Variants in RNF14 observed in about 807,000 individuals in gnomAD.
RNF14 encodes the protein ring finger protein 14, also known as E3 ubiquitin-protein ligase RNF14.
In RNF14, 26 loss-of-function variants were observed where a neutral mutation model predicts 52.6. That is an observed-to-expected ratio of 0.49 (90% confidence interval 0.36 to 0.69). RNF14 has a LOEUF of 0.69. Ranked by LOEUF, RNF14 falls within the 30% of genes least tolerant of loss-of-function variation. The pLI is 0.00. For synonymous variants in RNF14, 194 were observed against 202.0 expected (o/e 0.96, Z 0.34); for missense variants, 404 against 560.4 (o/e 0.72, Z 2.82).
chr5:141,972,640 G>T (rs942496574), intron 2 of RNF14, among the ~76,000 whole-genome samples: 6 of 152,052 alleles, frequency 3.9e-5, no homozygotes, highest in Non-Finnish European at 7.4e-5. Flanking sequence ...GCCCAGGCTG[G>T]AGTGCAATGG....
At chr5:141,955,620 C>T (rs764159953), upstream of RNF14, 1 of 1,612,916 alleles carries the variant, frequency 6.2e-7, no homozygotes, top group Non-Finnish European at 8.5e-7. This position sits in a 1 kb window ranked among gnomAD's most constrained non-coding sequence, Gnocchi z 5.5. Context: ...TGTTGTCCTT[C>T]TTTTCTGTCC....
At chr5:141,950,847 C>G in the RNF14 span, among the ~76,000 whole-genome samples, 1 of 152,156 alleles carries the variant, frequency 6.6e-6, no homozygotes, top group African/African-American at 2.4e-5. Context: ...GTGTCAGTTG[C>G]TGGGCTATGG....
upstream of RNF14, chr5:141,956,210 T>G (rs1393172557): frequency 1.2e-6 from 2 of 1,614,066 alleles, no homozygotes; most frequent in African/African-American, 2.7e-5. Flanking sequence ...ACAGAGACAC[T>G]GGATGCAAGC....
At chr5:141,977,561 A>G (rs757342354) in intron 4 of RNF14, among the ~76,000 whole-genome samples, 13 of 152,248 alleles carry the variant, frequency 8.5e-5, no homozygotes, top group Non-Finnish European at 1.8e-4. Context: ...ACTTTTAAAG[A>G]GGAAAATTCC....
intron 1 of RNF14, among the ~76,000 whole-genome samples, chr5:141,960,751 A>G (rs1262593940): frequency 6.6e-6 from 1 of 152,234 alleles, no homozygotes; most frequent in East Asian, 1.9e-4. Context: ...GCGTTAGGTA[A>G]CTTGCCCAAG....
At chr5:141,972,422 T>G (rs773427475) in intron 2 of RNF14, among the ~76,000 whole-genome samples, 1 of 151,628 alleles carries the variant, frequency 6.6e-6, no homozygotes, top group Non-Finnish European at 1.5e-5. Context: ...ACAGCTCTTG[T>G]GGGTGGAAGC....
chr5:141,961,108 A>G (rs948494541), intron 1 of RNF14, among the ~76,000 whole-genome samples: 2 of 152,216 alleles, frequency 1.3e-5, no homozygotes, highest in African/African-American at 4.8e-5. Context: ...AGAAGGAGTT[A>G]TGGAATTCAT....
intron 7 of RNF14, among the ~76,000 whole-genome samples, chr5:141,983,971 T>G (rs1046818945): frequency 1.3e-5 from 2 of 152,198 alleles, no homozygotes; most frequent in Non-Finnish European, 2.9e-5. Flanking sequence ...ATATATTGCT[T>G]CTTGACAAAA....
upstream of RNF14, chr5:141,955,490 G>A: frequency 1.2e-6 from 2 of 1,614,078 alleles, no homozygotes; most frequent in Non-Finnish European, 1.7e-6. This position sits in a 1 kb window ranked among gnomAD's most constrained non-coding sequence, Gnocchi z 5.5. Flanking sequence ...ACTTCACAAG[G>A]CTCACCTGCC....
chr5:141,951,762 G>A, the RNF14 span, among the ~76,000 whole-genome samples: 32 of 152,138 alleles, frequency 2.1e-4, no homozygotes, highest in Admixed American at 1.6e-3. Context: ...GGACCTGGGC[G>A]GGCAGGTCCC....
upstream of RNF14, chr5:141,956,501 T>C (rs779400642): frequency 4.2e-5 from 67 of 1,614,134 alleles, no homozygotes; most frequent in South Asian, 1.8e-4. Flanking sequence ...TTGATGTCAC[T>C]GATCTGAATG....
At position 141,980,408 on chromosome 5, in the gene RNF14, T is replaced by C; in HGVS notation, c.1063+57T>C. Reference sequence around the variant, plus strand: ...CCCCAGTCTCTCCCTCACATTTCACTCTACTACCAGGGCCTTATGACTTCA... The same window carrying C: ...CCCCAGTCTCTCCCTCACATTTCACCCTACTACCAGGGCCTTATGACTTCA... On this transcript the variant is annotated intron_variant, in intron 6 of 8. Transcript: ENST00000394520. 6.9e-6 allele frequency: 9 copies of C among 1,296,512 alleles called. 1 individual carries two copies. In the South Asian group the frequency reaches 1.1e-4, roughly 16 times the overall value. The allele number at this position is 1,296,512 out of a possible 1,614,324, so 80.3% of individuals were successfully genotyped here.
upstream of RNF14, chr5:141,955,569 C>A: frequency 6.2e-7 from 1 of 1,614,202 alleles, no homozygotes; most frequent in Non-Finnish European, 8.5e-7. The surrounding 1 kb of genome is among the most constrained non-coding windows in gnomAD (Gnocchi z 5.5). Context: ...TCTTGGGCTG[C>A]TGGCGGTAGG....
At chr5:141,957,059 T>G, upstream of RNF14, 1 of 1,614,172 alleles carries the variant, frequency 6.2e-7, no homozygotes. This position sits in a 1 kb window ranked among gnomAD's most constrained non-coding sequence, Gnocchi z 4.3. Flanking sequence ...GCGGTCAGTT[T>G]TATGAGAAGC....
intron 4 of RNF14, among the ~76,000 whole-genome samples, chr5:141,977,159 G>A (rs1398537637): frequency 6.6e-6 from 1 of 152,132 alleles, no homozygotes. Flanking sequence ...CATAGGACTT[G>A]GTAGCTCACA....
At chr5:141,966,639 A>T (rs1044013304), upstream of RNF14, among the ~76,000 whole-genome samples, 21 of 152,214 alleles carry the variant, frequency 1.4e-4, no homozygotes, top group Admixed American at 7.9e-4. Context: ...AGAGTCAAAA[A>T]CAAAACTTAT....
chr5:141,973,516 G>T (rs1293097908), intron 2 of RNF14, 67 bp from the exon 3 acceptor site: 4 of 1,396,666 alleles, frequency 2.9e-6, no homozygotes, highest in Non-Finnish European at 3.9e-6. Context: ...GGGATTACAG[G>T]TGTGAGCCAC....
At chr5:141,951,521 T>G in the RNF14 span, 9 of 1,614,152 alleles carry the variant, frequency 5.6e-6, no homozygotes, top group Non-Finnish European at 6.8e-6. Context: ...GCCAAGTACT[T>G]ATTTCCTCGG....
At chr5:141,954,247 C>A (rs1043419634), upstream of RNF14, among the ~76,000 whole-genome samples, 7 of 152,216 alleles carry the variant, frequency 4.6e-5, no homozygotes, top group East Asian at 1.3e-3. Flanking sequence ...GCCCCATCCG[C>A]AGGCCCAGCC....
Sources: allele counts gnomAD v4.1 joint callset (sites outside exome capture counted in the v4.1 genomes callset), GRCh38; gene constraint gnomAD v4.1.1; non-coding constraint Gnocchi (gnomAD v3.1); transcripts MANE v1.5; gene names NCBI Gene and HGNC (gene_info 2026-07-23, HGNC 2026-07-21).